NTNG1: variants seen among roughly 807,000 people sequenced by gnomAD.
The protein encoded by NTNG1 is netrin-G1.
Under a neutral mutation model 54.0 loss-of-function variants are expected in NTNG1, and 16 were observed. The ratio of observed to expected loss-of-function variants is 0.30; its 90% CI spans 0.20 to 0.45. NTNG1 has a LOEUF of 0.45. Among genes scored for constraint, NTNG1 ranks in the 20% least tolerant of loss-of-function variants. The pLI is 1.00. For synonymous variants in NTNG1, 255 were observed against 263.1 expected (o/e 0.97, Z 0.30); for missense variants, 530 against 678.7 (o/e 0.78, Z 2.43).
intron 3 of NTNG1, among the ~76,000 whole-genome samples, chr1:107,328,080 G>T (rs542755848): frequency 2.5e-4 from 38 of 152,116 alleles, no homozygotes; most frequent in African/African-American, 8.7e-4. Context: ...TACTTATTTT[G>T]CTTCCATTTA....
chr1:107,171,640 C>T (rs1003979093), intron 2 of NTNG1, among the ~76,000 whole-genome samples: 4 of 152,138 alleles, frequency 2.6e-5, no homozygotes, highest in African/African-American at 9.7e-5. Flanking sequence ...CTCTGTACTG[C>T]AGTCGTCCTC....
At chr1:107,436,847 T>G in intron 7 of NTNG1, 48 bp downstream of exon 7, 1 of 1,594,422 alleles carries the variant, frequency 6.3e-7, no homozygotes, top group Non-Finnish European at 8.6e-7. Context: ...CATGGCTGAT[T>G]TCTGCTTGGC....
intron 7 of NTNG1, among the ~76,000 whole-genome samples, chr1:107,473,702 C>T (rs1395123691): frequency 2.0e-5 from 3 of 152,208 alleles, no homozygotes; most frequent in Non-Finnish European, 4.4e-5. Context: ...TTGATCAGTT[C>T]TTTCACTGTG....
chr1:107,353,511 A>G (rs976247549), intron 3 of NTNG1, among the ~76,000 whole-genome samples: 1 of 151,890 alleles, frequency 6.6e-6, no homozygotes, highest in South Asian at 2.1e-4. Flanking sequence ...TGTCCATATC[A>G]CTATTCACAT....
Position 107,146,309 on chromosome 1 carries a change from C to T in NTNG1, c.-525-1760C>T, listed in dbSNP as rs190695318. On this transcript the variant is annotated intron_variant, in intron 1 of 7. Transcript: ENST00000370068. ...CTTCAGTTATAATGCCTCCATCCCC[C>T]GGCCCTTTGGAAAGTATTTGTTTCC... Among the ~76,000 whole-genome samples, 18 of 152,066 alleles carry T rather than the reference C, an allele frequency of 1.2e-4. No homozygotes were observed. In the East Asian group the frequency reaches 1.5e-3, roughly 13 times the overall value.
chr1:107,457,156 C>G (rs533519196), intron 7 of NTNG1, among the ~76,000 whole-genome samples: 1 of 152,332 alleles, frequency 6.6e-6, no homozygotes, highest in South Asian at 2.1e-4. Flanking sequence ...TTGTCCCAGT[C>G]TGTTCTCCTT....
intron 3 of NTNG1, among the ~76,000 whole-genome samples, chr1:107,389,710 C>T (rs540205247): frequency 4.6e-5 from 7 of 152,176 alleles, no homozygotes; most frequent in Admixed American, 1.3e-4. Context: ...TCAAGGAACA[C>T]GCAGGTCAAT....
intron 6 of NTNG1, among the ~76,000 whole-genome samples, chr1:107,433,810 C>A (rs1675430177): frequency 6.6e-6 from 1 of 152,192 alleles, no homozygotes; most frequent in Non-Finnish European, 1.5e-5. Context: ...CTGGGGCTGC[C>A]TGTGCACTAG....
intron 2 of NTNG1, among the ~76,000 whole-genome samples, chr1:107,263,295 TC>T (rs1377521988): frequency 1.6e-5 from 2 of 128,052 alleles, no homozygotes; most frequent in Non-Finnish European, 3.7e-5. Context: ...CTTCCTTCCT[TC>T]CTTCCTTCCT....
chr1:107,215,606 G>A (rs1659899411), intron 2 of NTNG1, among the ~76,000 whole-genome samples: 1 of 151,992 alleles, frequency 6.6e-6, no homozygotes, highest in Admixed American at 6.6e-5. Context: ...TCTCGCTTTG[G>A]CCATGCAGGC....
chr1:107,384,451 A>C (rs1389153791), intron 3 of NTNG1, among the ~76,000 whole-genome samples: 1 of 152,174 alleles, frequency 6.6e-6, no homozygotes, highest in African/African-American at 2.4e-5. Context: ...CTCTCTCTAT[A>C]TATATGACCA....
At chr1:107,216,276 T>C (rs1312132975) in intron 2 of NTNG1, among the ~76,000 whole-genome samples, 5 of 152,208 alleles carry the variant, frequency 3.3e-5, no homozygotes, top group Non-Finnish European at 7.3e-5. Context: ...TACTGTTGGC[T>C]ATAGGTTTGT....
intron 4 of NTNG1, among the ~76,000 whole-genome samples, chr1:107,404,936 T>G (rs993832291): frequency 6.6e-6 from 1 of 152,202 alleles, no homozygotes; most frequent in African/African-American, 2.4e-5. Flanking sequence ...ACAGTCTGAC[T>G]CTCATTCCTG....
rs6694504 is a variant in NTNG1 at position 107,147,229 on chromosome 1, A to G, written c.-525-840A>G. Among the ~76,000 whole-genome samples, 1,324 of 152,152 alleles carry G rather than the reference A, an allele frequency of 8.7e-3. 19 individuals carry two copies. The highest frequency in any genetic ancestry group is 0.03 in the African/African-American group (1,263 of 41,536). On this transcript the variant is annotated intron_variant, in intron 1 of 7. Transcript: ENST00000370068. ...TTTCTCTTAGAATTAGTGCCATATTATTCTGCTTCATGGCCTGTTAACTCA... is the reference window on the plus strand; with the variant it reads ...TTTCTCTTAGAATTAGTGCCATATTGTTCTGCTTCATGGCCTGTTAACTCA...
chr1:107,264,289 C>T lies in NTNG1; in HGVS notation c.247-59993C>T, dbSNP rs144644236. Among the ~76,000 whole-genome samples, 443 of 152,198 alleles carry T rather than the reference C, an allele frequency of 2.9e-3. 11 individuals are homozygous for T. Among genetic ancestry groups the T allele is most frequent in the Middle Eastern group, 0.017 (5 of 294 alleles). ...GGTGACAGTGAGAGAGACTTCTTAT[C>T]GATCATCTGACCTCCCACACAATTT... On this transcript the variant is annotated intron_variant, in intron 2 of 7. Transcript: ENST00000370068.
chr1:107,283,195 C>T (rs551182819), intron 2 of NTNG1, among the ~76,000 whole-genome samples: 1 of 152,254 alleles, frequency 6.6e-6, no homozygotes, highest in East Asian at 1.9e-4. Context: ...CAGAGATAAC[C>T]TTCCCTCTGA....
intron 3 of NTNG1, among the ~76,000 whole-genome samples, chr1:107,388,184 A>G (rs1217718348): frequency 2.6e-5 from 4 of 152,236 alleles, no homozygotes; most frequent in Admixed American, 1.3e-4. Context: ...TGAATCAGAC[A>G]GCCCAAGTCC....
At chr1:107,377,590 G>T (rs1016859367) in intron 3 of NTNG1, among the ~76,000 whole-genome samples, 4 of 152,168 alleles carry the variant, frequency 2.6e-5, no homozygotes, top group South Asian at 2.1e-4. Context: ...AGCTCAGTCT[G>T]GTTCCTCTTC....
At chr1:107,241,891 A>C (rs1661854775) in intron 2 of NTNG1, among the ~76,000 whole-genome samples, 1 of 152,148 alleles carries the variant, frequency 6.6e-6, no homozygotes, top group African/African-American at 2.4e-5. Flanking sequence ...ACTGACTTAA[A>C]AGAGTTGTGA....
Sources: allele counts gnomAD v4.1 joint callset (sites outside exome capture counted in the v4.1 genomes callset), GRCh38; gene constraint gnomAD v4.1.1; transcripts MANE v1.5; gene names NCBI Gene and HGNC (gene_info 2026-07-23, HGNC 2026-07-21).